LPGAT1: variants seen among roughly 807,000 people sequenced by gnomAD.
LPGAT1 encodes the protein acyl-CoA:lysophosphatidylglycerol acyltransferase 1.
Under a neutral mutation model 47.5 loss-of-function variants are expected in LPGAT1, and 11 were observed. That is an observed-to-expected ratio of 0.23 (90% confidence interval 0.15 to 0.38). The LOEUF (loss-of-function observed/expected upper bound fraction) is 0.38, where lower values mean the gene tolerates loss of function less well. Among genes scored for constraint, LPGAT1 ranks in the 10% least tolerant of loss-of-function variants. LPGAT1 has a pLI of 1.00. For missense variants in LPGAT1, 293 were observed against 439.0 expected (o/e 0.67, Z 2.97); for synonymous variants, 138 against 144.2 (o/e 0.96, Z 0.31).
chr1:211,830,723 G>T lies in LPGAT1; in HGVS notation c.-178C>A. 1 of 1,178,870 alleles carries T rather than the reference G, an allele frequency of 8.5e-7. No individual in the cohort carries two copies. The highest frequency in any genetic ancestry group is 1.0e-6 in the Non-Finnish European group (1 of 953,952). 73.0% of individuals were successfully genotyped at this position (1,178,870 alleles called of 1,614,324 possible). A position where few individuals can be genotyped will look rare whatever the true frequency, so the allele number is the denominator to read the frequency against. On this transcript the variant is annotated 5_prime_UTR_variant, in exon 1 of 8. Transcript: ENST00000366997. The surrounding 1 kb of genome is among the most constrained non-coding windows in gnomAD (Gnocchi z 5.9). ...CCCGCGCCCGTTCCCCGGCGGCGCCGAGACTCGGTCCCCAAGGGCCCGGCC... is the reference window on the plus strand; with the variant it reads ...CCCGCGCCCGTTCCCCGGCGGCGCCTAGACTCGGTCCCCAAGGGCCCGGCC...
chr1:211,798,399 A>G (rs1390738200), intron 2 of LPGAT1, among the ~76,000 whole-genome samples: 1 of 152,166 alleles, frequency 6.6e-6, no homozygotes, highest in Non-Finnish European at 1.5e-5. Flanking sequence ...AAGATTAAAG[A>G]GCCAGCTGGG....
chr1:211,823,374 T>C (rs1302881570), intron 2 of LPGAT1, among the ~76,000 whole-genome samples: 1 of 152,228 alleles, frequency 6.6e-6, no homozygotes, highest in Non-Finnish European at 1.5e-5. Context: ...AAATGAATTA[T>C]AATTATTAAG....
chr1:211,819,868 C>A (rs1338819681), intron 2 of LPGAT1, among the ~76,000 whole-genome samples: 2 of 151,916 alleles, frequency 1.3e-5, no homozygotes, highest in Non-Finnish European at 2.9e-5. Flanking sequence ...GCCTGTACTG[C>A]CAGCTACTCG....
chr1:211,751,239 A>T (rs890939198), intron 6 of LPGAT1, among the ~76,000 whole-genome samples, 172 bp from the exon 7 acceptor site: 1 of 152,242 alleles, frequency 6.6e-6, no homozygotes, highest in Non-Finnish European at 1.5e-5. Flanking sequence ...ATTGTTGATT[A>T]CACAAGAGAG....
chr1:211,769,289 G>A (rs967353700), intron 6 of LPGAT1, among the ~76,000 whole-genome samples: 1 of 152,144 alleles, frequency 6.6e-6, no homozygotes, highest in African/African-American at 2.4e-5. Context: ...CTGACTGAGT[G>A]GATGTGGAAT....
intron 6 of LPGAT1, among the ~76,000 whole-genome samples, chr1:211,771,460 G>C (rs2102518600): frequency 6.7e-6 from 1 of 149,592 alleles, no homozygotes; most frequent in East Asian, 2.0e-4. Context: ...CTAGTTTTTA[G>C]ATTTTTTTTT....
chr1:211,805,386 T>C (rs879404380), intron 2 of LPGAT1, among the ~76,000 whole-genome samples: 2 of 152,326 alleles, frequency 1.3e-5, no homozygotes, highest in South Asian at 2.1e-4. Context: ...ATGTGATTTA[T>C]TGAATACGGT....
chr1:211,829,250 A>C lies in LPGAT1; in HGVS notation c.47T>G (p.Val16Gly). 1 of 1,614,232 alleles carries C rather than the reference A, an allele frequency of 6.2e-7. No homozygotes were observed. ...GAAGGCAAACCTCATCAGTGCTTTC[A>C]CCAAGAGCCAGCCCAGCCACGGAGC... is the stretch of plus-strand genomic sequence containing the variant. ...EEAPWLGWLL[V>G]KALMRFAFMV... is the part of the protein sequence containing the mutation. The change falls in exon 2 of 8, where the codon GTG (valine) becomes GGG (glycine). Residue 16 changes from valine (V) to glycine (G), a missense_variant. Transcript: ENST00000366997.
intron 2 of LPGAT1, among the ~76,000 whole-genome samples, chr1:211,798,425 C>G (rs1345862197): frequency 6.6e-6 from 1 of 152,134 alleles, no homozygotes; most frequent in Non-Finnish European, 1.5e-5. Context: ...TGCCTCATAC[C>G]TGTAATCCCA....
At chr1:211,751,394 A>G (rs1422215075) in intron 6 of LPGAT1, among the ~76,000 whole-genome samples, 1 of 152,222 alleles carries the variant, frequency 6.6e-6, no homozygotes, top group Non-Finnish European at 1.5e-5. Context: ...GGGTTTAAGT[A>G]GAAATGGTAT....
chr1:211,829,914 A>G (rs1048675415), intron 1 of LPGAT1: 1 of 985,110 alleles, frequency 1.0e-6, no homozygotes, highest in African/African-American at 1.7e-5. Flanking sequence ...AAAAAAGCTT[A>G]CAAGGTGAGA....
At position 211,783,438 on chromosome 1, in the gene LPGAT1, C is replaced by T; in HGVS notation, c.518G>A (p.Ser173Asn). The T allele has an allele frequency of 6.2e-7, 1 of 1,614,152 alleles. No individual in the cohort carries two copies. The highest frequency in any genetic ancestry group is 2.2e-5 in the East Asian group (1 of 44,888). The change falls in exon 5 of 8, where the codon AGC (serine) becomes AAC (asparagine). Residue 173 changes from serine (S) to asparagine (N), a missense_variant. Ser to Asn is a conservative substitution (Grantham distance 46). Transcript: ENST00000366997. ...LKKHLENNYRSRDRKWIVLFP... is the reference protein window; with the variant it reads ...LKKHLENNYRNRDRKWIVLFP... ...CAAAACAATCCATTTTCGATCTCTG[C>T]TCCTGTAATTATTTTCTAAGTGCTT...
At chr1:211,829,416 A>T in intron 1 of LPGAT1, 93 bp from the exon 2 acceptor site, 1 of 1,526,820 alleles carries the variant, frequency 6.5e-7, no homozygotes, top group Non-Finnish European at 8.8e-7. Flanking sequence ...CACAAAATAA[A>T]ACAGCGAGGG....
At chr1:211,814,475 C>T (rs963138293) in intron 2 of LPGAT1, among the ~76,000 whole-genome samples, 2 of 151,504 alleles carry the variant, frequency 1.3e-5, no homozygotes, top group Admixed American at 1.3e-4. Context: ...AGGACCAGAT[C>T]CATGGGGGCT....
chr1:211,822,754 G>T (rs563961627), intron 2 of LPGAT1, among the ~76,000 whole-genome samples: 2 of 147,528 alleles, frequency 1.4e-5, no homozygotes, highest in South Asian at 4.4e-4. Context: ...CTCCAGCCTG[G>T]GTGACAGAGC....
chr1:211,779,737 A>G (rs1658558704), intron 5 of LPGAT1, among the ~76,000 whole-genome samples: 1 of 152,140 alleles, frequency 6.6e-6, no homozygotes, highest in South Asian at 2.1e-4. Context: ...CTGTAGTCCC[A>G]GCTGTTTGGG....
At chr1:211,797,577 G>A (rs1473092350) in intron 2 of LPGAT1, among the ~76,000 whole-genome samples, 1 of 152,082 alleles carries the variant, frequency 6.6e-6, no homozygotes, top group African/African-American at 2.4e-5. Context: ...AAAGTTAAAT[G>A]ACCAACAAAA....
At chr1:211,806,718 C>T (rs180798082) in intron 2 of LPGAT1, among the ~76,000 whole-genome samples, 94 of 152,182 alleles carry the variant, frequency 6.2e-4, no homozygotes, top group African/African-American at 2.0e-3. Flanking sequence ...TATGAATTGA[C>T]GCAGAAAAAG....
At chr1:211,791,762 A>AC (rs1558270769) in intron 3 of LPGAT1, among the ~76,000 whole-genome samples, 7 of 102,074 alleles carry the variant, frequency 6.9e-5, no homozygotes, top group Admixed American at 5.1e-4. Context: ...AAAAAAAAAA[A>AC]AAACAAACAA....
Sources: allele counts gnomAD v4.1 joint callset (sites outside exome capture counted in the v4.1 genomes callset), GRCh38; gene constraint gnomAD v4.1.1; non-coding constraint Gnocchi (gnomAD v3.1); transcripts MANE v1.5; gene names NCBI Gene and HGNC (gene_info 2026-07-23, HGNC 2026-07-21).